The following SMARCA5 variants were observed in gnomAD, a reference collection of about 807,000 sequenced individuals.
SMARCA5 encodes the protein SNF2 related chromatin remodeling ATPase 5.
In SMARCA5, 18 loss-of-function variants were observed where a neutral mutation model predicts 140.4. The observed-to-expected ratio is 0.13, with a 90% confidence interval of 0.09 to 0.19. The LOEUF (loss-of-function observed/expected upper bound fraction) is 0.19. SMARCA5 is among the 10% of genes least tolerant of loss of function. SMARCA5 has a pLI of 1.00. For synonymous variants in SMARCA5, 449 were observed against 419.6 expected (o/e 1.07, Z -0.86); for missense variants, 606 against 1,276.8 (o/e 0.47, Z 8.01).
rs868515101 is a variant in SMARCA5 at position 143,548,012 on chromosome 4, C to T, written c.2857C>T (p.Arg953Cys). 2 of 1,609,346 alleles carry T rather than the reference C, an allele frequency of 1.2e-6. No individual in the cohort carries two copies. The highest frequency in any genetic ancestry group is 1.3e-5 in the African/African-American group (1 of 74,896). The change falls in exon 22 of 24, where the codon CGT becomes TGT. Residue 953 changes from arginine to cysteine, a missense_variant. By Grantham distance (180) the Arg-to-Cys change is radical. Transcript: ENST00000283131. ...AAAAAACTATACTGAAGAAGAAGATCGTTTTCTGATTTGTATGCTTCACAA... is the reference window on the plus strand; with the variant it reads ...AAAAAACTATACTGAAGAAGAAGATTGTTTTCTGATTTGTATGCTTCACAA... ...KGKNYTEEED[R>C]FLICMLHKLG...
Position 143,530,526 on chromosome 4 carries a change from G to T in SMARCA5, c.1158G>T (p.Met386Ile). The T allele has an allele frequency of 1.2e-6, 2 of 1,604,554 alleles. No individual in the cohort carries two copies. The highest frequency in any genetic ancestry group is 8.5e-7 in the Non-Finnish European group (1 of 1,172,620). Residue 386 changes from methionine (M) to isoleucine (I), a missense_variant and splice_region_variant, in exon 9 of 24, where the codon ATG becomes ATT. Transcript: ENST00000283131. The part of the protein sequence containing the change: ...GDQKLVERLH[M>I]VLRPFLLRRI... The stretch of plus-strand genomic sequence containing the variant: ...AAAAACTAGTTGAGAGGCTTCATAT[G>T]GTAAGTATTTTGGAGTAGTGTTAAA...
chr4:143,545,062 C>G (rs1737496527), intron 17 of SMARCA5, among the ~76,000 whole-genome samples: 1 of 151,690 alleles, frequency 6.6e-6, no homozygotes, highest in African/African-American at 2.4e-5. Flanking sequence ...CCTGCCTCAC[C>G]CTTCCGAGTA....
chr4:143,517,154 G>A (rs1439719111), intron 1 of SMARCA5, among the ~76,000 whole-genome samples: 2 of 152,044 alleles, frequency 1.3e-5, no homozygotes, highest in Non-Finnish European at 2.9e-5. Context: ...TATATATATG[G>A]GTTAAATACG....
Position 143,557,215 on chromosome 4 carries a change from G to A in SMARCA5, c.*4031G>A, listed in dbSNP as rs1328798912. 1.3e-5 allele frequency: 2 copies of A among 152,166 alleles called. No individual in the cohort carries two copies. The highest frequency in any genetic ancestry group is 2.9e-5 in the Non-Finnish European group (2 of 68,044). 9.4% of individuals were successfully genotyped at this position (152,166 alleles called of 1,614,324 possible). A position where few individuals can be genotyped will look rare whatever the true frequency, so the allele number is the denominator to read the frequency against. On this transcript the variant is annotated 3_prime_UTR_variant, in exon 24 of 24. Coordinates refer to ENST00000283131, the MANE Select transcript of SMARCA5 (RefSeq NM_003601.4). Reference sequence around the variant, plus strand: ...TATCTCTAGGACACCAATATTTAATGTTGCATATCATGTATCTCCAGTACA... The same window carrying A: ...TATCTCTAGGACACCAATATTTAATATTGCATATCATGTATCTCCAGTACA...
intron 20 of SMARCA5, among the ~76,000 whole-genome samples, chr4:143,547,116 A>G (rs564003558): frequency 1.3e-5 from 2 of 152,256 alleles, no homozygotes; most frequent in African/African-American, 2.4e-5. Flanking sequence ...AGCTAACTCT[A>G]GCGACAGCAA....
chr4:143,528,713 A>G lies in SMARCA5; in HGVS notation c.1088A>G (p.Asp363Gly). The change falls in exon 8 of 24, where the codon GAT becomes GGT. Residue 363 changes from aspartate (D) to glycine (G), a missense_variant and splice_region_variant. Asp to Gly is a moderately conservative substitution (Grantham distance 94, BLOSUM62 -1). Coordinates refer to ENST00000283131, the MANE Select transcript of SMARCA5 (RefSeq NM_003601.4). ...TTGCCAGATGTGTTTAATTCAGCAG[A>G]TGTAAGTATTTCCTGGTGCTTTCTG... ...FLLPDVFNSADDFDSWFDTNN... is the reference protein window; with the variant it reads ...FLLPDVFNSAGDFDSWFDTNN... 1 of 1,608,662 alleles carries G rather than the reference A, an allele frequency of 6.2e-7. No individual in the cohort carries two copies. Among genetic ancestry groups the G allele is most frequent in the Non-Finnish European group, 8.5e-7 (1 of 1,178,174 alleles).
intron 13 of SMARCA5, among the ~76,000 whole-genome samples, chr4:143,539,858 A>G (rs1423574484): frequency 6.6e-6 from 1 of 152,022 alleles, no homozygotes; most frequent in Non-Finnish European, 1.5e-5. Flanking sequence ...TTCATCTTGT[A>G]CTCTTACTAA....
At position 143,556,500 on chromosome 4, in the gene SMARCA5, A is replaced by G. The variant is rs1392736361; in HGVS notation, c.*3316A>G. 1 of 152,214 alleles carries G rather than the reference A, an allele frequency of 6.6e-6. No homozygotes were observed. The highest frequency in any genetic ancestry group is 2.4e-5 in the African/African-American group (1 of 41,458). 9.4% of individuals were successfully genotyped at this position (152,214 alleles called of 1,614,324 possible). Reference sequence around the variant, plus strand: ...GAACATTGCTAAAAAAATGGGTACTAAGGAGGGTAATTTAAACAAAGTAGA... The same window carrying G: ...GAACATTGCTAAAAAAATGGGTACTGAGGAGGGTAATTTAAACAAAGTAGA... On this transcript the variant is annotated 3_prime_UTR_variant, in exon 24 of 24. Coordinates refer to ENST00000283131, the MANE Select transcript of SMARCA5 (RefSeq NM_003601.4).
At chr4:143,547,817 G>A (rs2149825038) in intron 21 of SMARCA5, 111 bp from the exon 22 acceptor site, 2 of 647,790 alleles carry the variant, frequency 3.1e-6, no homozygotes, top group Non-Finnish European at 2.6e-6. Flanking sequence ...GCTCTAGATA[G>A]AAAATTCTGA....
intron 22 of SMARCA5, among the ~76,000 whole-genome samples, chr4:143,549,591 T>C (rs923911095): frequency 3.3e-5 from 5 of 152,148 alleles, no homozygotes; most frequent in African/African-American, 1.2e-4. Flanking sequence ...AAGGGAAAGA[T>C]TATACACACC....
rs543051004 is a variant in SMARCA5, at chr4:143,522,096, A to C, written c.419+501A>C. ...TGATCCAGACTTGAATTTGAATCTG[A>C]CTTGGGTGTGCTCTAGGCTCCTCCA... is the stretch of plus-strand genomic sequence containing the variant. On this transcript the variant is annotated intron_variant, in intron 3 of 23. Transcript: ENST00000283131. Among the ~76,000 whole-genome samples, 5 of 152,190 alleles carry C rather than the reference A, an allele frequency of 3.3e-5. No individual in the cohort carries two copies. In the South Asian group the frequency reaches 1.0e-3, roughly 32 times the overall value.
intron 23 of SMARCA5, among the ~76,000 whole-genome samples, chr4:143,552,597 G>T (rs755438201): frequency 1.3e-5 from 2 of 151,958 alleles, no homozygotes; most frequent in Non-Finnish European, 1.5e-5. Flanking sequence ...AATAATTTAA[G>T]AAACATTGGA....
chr4:143,551,877 G>C (rs569794948), intron 23 of SMARCA5, among the ~76,000 whole-genome samples: 2 of 151,922 alleles, frequency 1.3e-5, no homozygotes, highest in African/African-American at 4.8e-5. Flanking sequence ...TTTGCTTAGG[G>C]TGGCTTTGGC....
At position 143,556,713 on chromosome 4, in the gene SMARCA5, G is replaced by A. The variant is rs1444515747; in HGVS notation, c.*3529G>A. On this transcript the variant is annotated 3_prime_UTR_variant, in exon 24 of 24. Transcript: ENST00000283131. Reference sequence around the variant, plus strand: ...TCAAAGGTGAGGGCATCCCTCAGATGACAGATAATGGGCAAAATACATTCT... The same window carrying A: ...TCAAAGGTGAGGGCATCCCTCAGATAACAGATAATGGGCAAAATACATTCT... The A allele has an allele frequency of 6.6e-6, 1 of 152,210 alleles. No homozygotes were observed. The highest frequency in any genetic ancestry group is 2.4e-5 in the African/African-American group (1 of 41,442). The allele number at this position is 152,210 out of a possible 1,614,324, so 9.4% of individuals were successfully genotyped here.
chr4:143,525,227 C>T (rs1737044500), intron 4 of SMARCA5, among the ~76,000 whole-genome samples: 2 of 152,136 alleles, frequency 1.3e-5, no homozygotes, highest in Admixed American at 1.3e-4. Flanking sequence ...AGTGGGTACT[C>T]TGATGCCCGC....
intron 23 of SMARCA5, 136 bp from the exon 24 acceptor site, chr4:143,552,983 T>G (rs1737675734): frequency 4.9e-6 from 3 of 617,712 alleles, no homozygotes; most frequent in Non-Finnish European, 8.7e-6. Context: ...TTTGAAAGAT[T>G]TATATAGCCT....
Position 143,543,992 on chromosome 4 carries a change from GGGTTACATGAAAGCTTTATTTTACT to G in SMARCA5, c.2172+23_2172+47del. The G allele has an allele frequency of 6.6e-7, 1 of 1,505,108 alleles. No homozygotes were observed. Among genetic ancestry groups the G allele is most frequent in the Middle Eastern group, 2.3e-4 (1 of 4,330 alleles). The allele number at this position is 1,505,108 out of a possible 1,614,324, so 93.2% of individuals were successfully genotyped here. A position where few individuals can be genotyped will look rare whatever the true frequency, so the allele number is the denominator to read the frequency against. ...CAAAAGGTAATTTAGAAATAGGTTT[GGGTTACATGAAAGCTTTATTTTACT>G]GGAAACTTGGAATTTTAAGTGTTAC... On this transcript the variant is annotated intron_variant, in intron 16 of 23. Coordinates refer to ENST00000283131, the MANE Select transcript of SMARCA5 (RefSeq NM_003601.4).
chr4:143,545,478 A>T lies in SMARCA5; in HGVS notation c.2292A>T (p.Arg764=), dbSNP rs777776169. The T allele has an allele frequency of 2.5e-6, 4 of 1,608,846 alleles. No individual in the cohort carries two copies. The highest frequency in any genetic ancestry group is 4.5e-5 in the East Asian group (2 of 44,788). The part of the protein sequence containing the change: ...VSEPKAPKAP[R]PPKQPNVQDF... Reference sequence around the variant, plus strand: ...TTTTTGTTTTTCTTTAGGCTCCTCGACCTCCAAAACAACCCAATGTTCAGG... The same window carrying T: ...TTTTTGTTTTTCTTTAGGCTCCTCGTCCTCCAAAACAACCCAATGTTCAGG... Residue 764 remains arginine, a synonymous_variant, in exon 18 of 24, where the codon CGA becomes CGT. Coordinates refer to ENST00000283131, the MANE Select transcript of SMARCA5 (RefSeq NM_003601.4).
At chr4:143,514,798 T>C (rs1445799108) in intron 1 of SMARCA5, among the ~76,000 whole-genome samples, 1 of 151,984 alleles carries the variant, frequency 6.6e-6, no homozygotes, top group African/African-American at 2.4e-5. Context: ...AGTGTAGGAA[T>C]GAATTAGAGA....
Sources: allele counts gnomAD v4.1 joint callset (sites outside exome capture counted in the v4.1 genomes callset), GRCh38; gene constraint gnomAD v4.1.1; transcripts MANE v1.5; gene names NCBI Gene and HGNC (gene_info 2026-07-23, HGNC 2026-07-21).